PUDP: variants seen among roughly 807,000 people sequenced by gnomAD.
PUDP encodes pseudouridine-5'-phosphatase.
PUDP carries 8 observed loss-of-function variants against 9.4 expected under a neutral mutation model. The observed-to-expected ratio is 0.85, with a 90% CI of 0.50 to 1.53. The LOEUF is 1.53. Ranked by LOEUF, PUDP falls within the 40% of genes most tolerant of loss-of-function variation. The pLI, the probability that PUDP is intolerant of heterozygous loss-of-function variation, is 0.00. For missense variants in PUDP, 188 were observed against 189.7 expected (o/e 0.99, Z 0.05); for synonymous variants, 99 against 80.7 (o/e 1.23, Z -1.22).
chrX:6,982,203 G>A (rs192524814), intron 1 of PUDP, among the ~76,000 whole-genome samples: 1 of 111,713 alleles, frequency 9.0e-6, no homozygotes, highest in African/African-American at 3.2e-5. Flanking sequence ...GTGTACACAG[G>A]TGTTCATAGT....
rs774485061 is a variant in PUDP at position 6,713,233 on chromosome X, T to C, written n.129-6767A>G. On this transcript the variant is annotated intron_variant and non_coding_transcript_variant, in intron 1 of 2. Transcript: ENST00000438499. ...ATCACTAATTATTTAACTTTGTTTT[T>C]TTCCATTTGAAGCACAGTGTCTAGA... Among the ~76,000 whole-genome samples the C allele has an allele frequency of 5.8e-4, 65 of 111,984 alleles. 1 individual carries two copies. The highest frequency in any genetic ancestry group is 1.1e-3 in the Non-Finnish European group (57 of 53,220).
intron 3 of PUDP, among the ~76,000 whole-genome samples, chrX:6,934,512 C>A (rs1176223377): frequency 9.1e-6 from 1 of 109,935 alleles, no homozygotes; most frequent in African/African-American, 3.3e-5. Flanking sequence ...CAACCGGTAC[C>A]AGCCGCTGCA....
At chrX:7,134,483 G>A (rs1932694298) in intron 1 of PUDP, among the ~76,000 whole-genome samples, 1 of 112,297 alleles carries the variant, frequency 8.9e-6, no homozygotes, top group Admixed American at 9.4e-5. Context: ...GACAGGACAA[G>A]TCGCCTCAAT....
chrX:6,707,545 C>T (rs1186114122), intron 1 of PUDP, among the ~76,000 whole-genome samples: 1 of 111,576 alleles, frequency 9.0e-6, no homozygotes, highest in African/African-American at 3.3e-5. Flanking sequence ...GATCATCAGG[C>T]ATTAGATTCT....
chrX:7,140,814 AT>A lies in PUDP; in HGVS notation c.61+7238del, dbSNP rs199870883. Among the ~76,000 whole-genome samples, 148 of 111,613 alleles carry A rather than the reference AT, an allele frequency of 1.3e-3. 1 individual carries two copies. The East Asian group carries it at 0.021, about 16-fold the overall frequency. On this transcript the variant is annotated intron_variant, in intron 1 of 3. Coordinates refer to ENST00000381077, the MANE Select transcript of PUDP (RefSeq NM_012080.5). The stretch of plus-strand genomic sequence containing the variant: ...TGCGTCGAGAAAGTCTATCAACACC[AT>A]TTTCCTAACAGCATGTCTCACGTGA...
At chrX:6,933,191 C>A (rs1928231115) in intron 3 of PUDP, among the ~76,000 whole-genome samples, 1 of 107,213 alleles carries the variant, frequency 9.3e-6, no homozygotes, top group Non-Finnish European at 1.9e-5. Flanking sequence ...TGACCCCTGA[C>A]CCCTGACCCC....
chrX:6,711,649 C>G (rs1225879048), intron 1 of PUDP, among the ~76,000 whole-genome samples: 1 of 111,680 alleles, frequency 9.0e-6, no homozygotes, highest in Admixed American at 9.5e-5. Flanking sequence ...GAGGAAGAAA[C>G]TTTTCCTTCC....
At chrX:6,741,219 T>C (rs1924932622) in intron 3 of PUDP, among the ~76,000 whole-genome samples, 1 of 111,112 alleles carries the variant, frequency 9.0e-6, no homozygotes, top group African/African-American at 3.3e-5. Flanking sequence ...AGTCTTAGTT[T>C]TCCTCTGCAG....
At chrX:7,136,699 C>A (rs1352356925) in intron 1 of PUDP, among the ~76,000 whole-genome samples, 6 of 99,545 alleles carry the variant, frequency 6.0e-5, no homozygotes, top group African/African-American at 1.5e-4. Flanking sequence ...CAGTGGGACC[C>A]CCCCCCCCAA....
chrX:6,754,500 C>T (rs952631306), intron 3 of PUDP, among the ~76,000 whole-genome samples: 2 of 109,894 alleles, frequency 1.8e-5, no homozygotes, highest in African/African-American at 6.6e-5. Context: ...TGCTTATATA[C>T]TATAACATAT....
chrX:7,074,825 T>G (rs1160872050), intron 3 of PUDP, among the ~76,000 whole-genome samples: 3 of 112,416 alleles, frequency 2.7e-5, no homozygotes, highest in Non-Finnish European at 5.6e-5. Context: ...AGCAGATACA[T>G]GTTCCCACTG....
At chrX:7,064,289 T>C (rs189783740) in intron 3 of PUDP, among the ~76,000 whole-genome samples, 13 of 111,400 alleles carry the variant, frequency 1.2e-4, no homozygotes, top group Non-Finnish European at 1.5e-4. Context: ...CTATCAAAGA[T>C]AGGCAAGCTG....
chrX:7,006,593 GT>G (rs1444116907), intron 1 of PUDP, among the ~76,000 whole-genome samples: 2 of 110,809 alleles, frequency 1.8e-5, no homozygotes, highest in African/African-American at 6.6e-5. Flanking sequence ...TACCAGTGAT[GT>G]TTCACTAATG....
chrX:6,824,443 T>G, intron 3 of PUDP, among the ~76,000 whole-genome samples: 1 of 111,549 alleles, frequency 9.0e-6, no homozygotes. Flanking sequence ...TATCTCATCC[T>G]GTGACTTAGA....
chrX:6,801,392 A>C, intron 3 of PUDP, among the ~76,000 whole-genome samples: 1 of 112,251 alleles, frequency 8.9e-6, no homozygotes, highest in South Asian at 3.7e-4. Flanking sequence ...TACGTGAAAT[A>C]CAGTGTTGCT....
At chrX:6,984,727 G>A (rs1335003841) in intron 1 of PUDP, among the ~76,000 whole-genome samples, 1 of 111,582 alleles carries the variant, frequency 9.0e-6, no homozygotes, top group Non-Finnish European at 1.9e-5. Context: ...GTGTAAGCAG[G>A]AGAATACTGC....
At position 6,763,632 on chromosome X, in the gene PUDP, A is replaced by G. The variant is rs191678223; in HGVS notation, c.*248-57166T>C. 4.5e-4 allele frequency among the ~76,000 whole-genome samples: 50 copies of G among 111,202 alleles called. 1 individual carries two copies. Among genetic ancestry groups the G allele is most frequent in the African/African-American group, 1.6e-3 (50 of 30,658 alleles). ...CCACATGACCTCTGTTTATATCAAA[A>G]CTTGGTTAAACGCTTCCCTATCATT... is the stretch of plus-strand genomic sequence containing the variant. On this transcript the variant is annotated intron_variant and NMD_transcript_variant, in intron 3 of 3. Transcript: ENST00000655425.
chrX:7,145,759 T>G (rs1602849793), intron 1 of PUDP, among the ~76,000 whole-genome samples: 1 of 111,683 alleles, frequency 9.0e-6, no homozygotes, highest in East Asian at 2.8e-4. Context: ...TTAACAATCC[T>G]CCATGAAACT....
chrX:7,088,525 T>G (rs1437430538), intron 2 of PUDP, among the ~76,000 whole-genome samples: 1 of 112,352 alleles, frequency 8.9e-6, no homozygotes, highest in Non-Finnish European at 1.9e-5. Flanking sequence ...TAGATTTGTC[T>G]CTGTAACAAC....
Sources: gnomAD v4.1 joint callset for allele counts (sites outside exome capture counted in the v4.1 genomes callset) on GRCh38, gnomAD v4.1.1 for gene constraint, MANE v1.5 for transcripts, NCBI Gene and HGNC (gene_info 2026-07-23, HGNC 2026-07-21) for gene names.